The following TYW1 variants were observed in gnomAD, a reference collection of about 807,000 sequenced individuals.
TYW1 encodes the protein tRNA-yW synthesizing protein 1 homolog, also known as S-adenosyl-L-methionine-dependent tRNA 4-demethylwyosine synthase TYW1.
Under a neutral mutation model 96.2 loss-of-function variants are expected in TYW1, and 46 were observed. That is an observed-to-expected ratio of 0.48 (90% CI 0.38 to 0.61). The LOEUF (loss-of-function observed/expected upper bound fraction) is 0.61. TYW1 is among the 20% of genes least tolerant of loss of function. TYW1 has a pLI of 0.00. For synonymous variants in TYW1, 274 were observed against 323.0 expected (o/e 0.85, Z 1.63); for missense variants, 684 against 909.6 (o/e 0.75, Z 3.19).
intron 13 of TYW1, among the ~76,000 whole-genome samples, chr7:67,163,277 T>C (rs1211917520): frequency 1.3e-5 from 2 of 152,222 alleles, no homozygotes. Context: ...GTATTTACAC[T>C]AAAATTCCAG....
chr7:67,061,053 C>T (rs914446173), intron 9 of TYW1, among the ~76,000 whole-genome samples: 1 of 152,156 alleles, frequency 6.6e-6, no homozygotes, highest in Non-Finnish European at 1.5e-5. Flanking sequence ...CAATGTGAAA[C>T]CCCGTCTCTA....
chr7:67,097,101 G>A (rs955228034), intron 11 of TYW1, among the ~76,000 whole-genome samples: 28 of 152,016 alleles, frequency 1.8e-4, no homozygotes, highest in African/African-American at 6.8e-4. Context: ...TGTGCTAGTG[G>A]CTACTAAACT....
intron 9 of TYW1, among the ~76,000 whole-genome samples, chr7:67,056,228 C>T (rs911219126): frequency 6.6e-6 from 1 of 152,170 alleles, no homozygotes; most frequent in Non-Finnish European, 1.5e-5. Context: ...TGCAGTGGCT[C>T]ACGCCTGTAA....
At chr7:67,207,338 A>C (rs1386692186) in intron 15 of TYW1, among the ~76,000 whole-genome samples, 1 of 152,104 alleles carries the variant, frequency 6.6e-6, no homozygotes, top group Non-Finnish European at 1.5e-5. Flanking sequence ...ACTTTGTTCC[A>C]TCTTCTTTGC....
At chr7:67,204,497 T>C (rs1449884441) in intron 15 of TYW1, among the ~76,000 whole-genome samples, 1 of 151,282 alleles carries the variant, frequency 6.6e-6, no homozygotes, top group Admixed American at 6.6e-5. Context: ...CCTCCCTTCC[T>C]TCTTCTCTTT....
chr7:67,216,645 A>G (rs1356364504), intron 15 of TYW1, among the ~76,000 whole-genome samples: 1 of 140,698 alleles, frequency 7.1e-6, no homozygotes, highest in African/African-American at 2.8e-5. Context: ...TTCTATCTTG[A>G]GTTGATTACG....
At chr7:67,072,953 T>G (rs1796076339) in intron 10 of TYW1, among the ~76,000 whole-genome samples, 1 of 135,612 alleles carries the variant, frequency 7.4e-6, no homozygotes. Flanking sequence ...TTTTTTTTTT[T>G]TTTTTTTTTT....
chr7:67,016,338 G>A (rs1406737373), intron 5 of TYW1, among the ~76,000 whole-genome samples: 2 of 151,088 alleles, frequency 1.3e-5, no homozygotes, highest in Non-Finnish European at 2.9e-5. Context: ...ACCTGAGGTC[G>A]GGAGTTCGAC....
intron 13 of TYW1, among the ~76,000 whole-genome samples, chr7:67,148,367 A>G (rs10274165): frequency 0.26 from 38,093 of 149,152 alleles, 5,379 homozygotes; most frequent in African/African-American, 0.37. Flanking sequence ...AAAAATTAAC[A>G]TGAGTCCGAG....
intron 7 of TYW1, among the ~76,000 whole-genome samples, chr7:67,043,849 A>G (rs1210720025): frequency 6.6e-6 from 1 of 152,146 alleles, no homozygotes; most frequent in Non-Finnish European, 1.5e-5. Flanking sequence ...TTCAAAAGGC[A>G]TTTTTAGAAC....
chr7:67,238,779 G>A lies in TYW1; in HGVS notation c.*250G>A. ...ACTTCTAAGAGGAAAATTATTTTGG[G>A]GAGGAACTACACAGTCGTGATTAGA... is the stretch of plus-strand genomic sequence containing the variant. On this transcript the variant is annotated 3_prime_UTR_variant, in exon 16 of 16. Transcript: ENST00000359626. 7.5e-7 allele frequency: 1 copy of A among 1,334,624 alleles called. No homozygotes were observed. Among genetic ancestry groups the A allele is most frequent in the East Asian group, 3.0e-5 (1 of 33,080 alleles). 82.7% of individuals were successfully genotyped at this position (1,334,624 alleles called of 1,614,324 possible). A position where few individuals can be genotyped will look rare whatever the true frequency, so the allele number is the denominator to read the frequency against.
intron 8 of TYW1, among the ~76,000 whole-genome samples, chr7:67,055,362 G>A (rs754423080): frequency 4.6e-5 from 7 of 152,042 alleles, no homozygotes; most frequent in Admixed American, 6.6e-5. Flanking sequence ...TTTGGGAGGC[G>A]GAGGTAGATG....
rs1053840654 is a variant in TYW1 at position 67,152,601 on chromosome 7, T to TTTTTC, written c.1699-30511_1699-30507dup. On this transcript the variant is annotated intron_variant, in intron 13 of 15. Coordinates refer to ENST00000359626, the MANE Select transcript of TYW1 (RefSeq NM_018264.4). ...TTACACATATTCACAGTTTTTTGTT[T>TTTTTC]TTTTCTTTTCTTTTCTTTGAGACAG... Among the ~76,000 whole-genome samples the TTTTTC allele has an allele frequency of 2.6e-5, 4 of 152,250 alleles. No homozygotes were observed. The South Asian group carries it at 6.2e-4, about 24-fold the overall frequency.
intron 11 of TYW1, among the ~76,000 whole-genome samples, chr7:67,094,967 G>T (rs74708303): frequency 6.6e-6 from 1 of 151,748 alleles, no homozygotes; most frequent in African/African-American, 2.4e-5. Context: ...TTGCTGGTGG[G>T]GGGGTACTAA....
intron 14 of TYW1, among the ~76,000 whole-genome samples, chr7:67,186,489 T>G (rs1359949266): frequency 4.6e-5 from 7 of 152,098 alleles, no homozygotes; most frequent in Admixed American, 2.6e-4. Context: ...TGAGATGTTT[T>G]GTTTTGTTTT....
rs1453768398 is a variant in TYW1, at chr7:67,029,407, G to GTA, written c.984+4386_984+4387insAT. Among the ~76,000 whole-genome samples, 436 of 96,248 alleles carry GTA rather than the reference G, an allele frequency of 4.5e-3. 5 individuals are homozygous for GTA. The highest frequency in any genetic ancestry group is 0.016 in the Admixed American group (134 of 8,476). 63.1% of individuals were successfully genotyped at this position (96,248 alleles called of 152,430 possible). ...CGTGTGTGTGTGTGTGTGTGTGTGT[G>GTA]TGTGTGTGTATATATATATATATAT... On this transcript the variant is annotated intron_variant, in intron 7 of 15. Transcript: ENST00000359626.
chr7:67,151,863 A>G (rs534343025), intron 13 of TYW1, among the ~76,000 whole-genome samples: 58 of 151,852 alleles, frequency 3.8e-4, no homozygotes, highest in Middle Eastern at 3.4e-3. Flanking sequence ...CTGGGGTGCA[A>G]TGGCCCAATC....
At chr7:67,159,497 T>G (rs1010701435) in intron 13 of TYW1, among the ~76,000 whole-genome samples, 2 of 152,172 alleles carry the variant, frequency 1.3e-5, no homozygotes, top group African/African-American at 4.8e-5. Flanking sequence ...GATTTTAATG[T>G]TAATGTTTTA....
At chr7:67,052,197 A>G (rs1324431012) in intron 8 of TYW1, among the ~76,000 whole-genome samples, 1 of 152,110 alleles carries the variant, frequency 6.6e-6, no homozygotes, top group Non-Finnish European at 1.5e-5. Context: ...TATGGTCTTC[A>G]TGAAATTCGG....
Sources: gnomAD v4.1 joint callset for allele counts (sites outside exome capture counted in the v4.1 genomes callset) on GRCh38, gnomAD v4.1.1 for gene constraint, MANE v1.5 for transcripts, NCBI Gene and HGNC (gene_info 2026-07-23, HGNC 2026-07-21) for gene names.